Variants in ADAMTS12 observed in about 807,000 individuals in gnomAD.
The protein encoded by ADAMTS12 is ADAM metallopeptidase with thrombospondin type 1 motif 12, also known as A disintegrin and metalloproteinase with thrombospondin motifs 12.
A neutral mutation model predicts 167.8 loss-of-function variants in ADAMTS12; 118 were observed. That is an observed-to-expected ratio of 0.70 (90% CI 0.61 to 0.82). ADAMTS12 has a LOEUF of 0.82. Ranked by LOEUF, ADAMTS12 falls within the 40% of genes least tolerant of loss-of-function variation. ADAMTS12 has a pLI of 0.00. For missense variants in ADAMTS12, 1,916 were observed against 1,998.8 expected, an observed-to-expected ratio of 0.96 and a Z score of 0.79; for synonymous variants, 704 against 716.9, an observed-to-expected ratio of 0.98 and a Z score of 0.29.
chr5:33,581,741 A>C (rs952577905), intron 18 of ADAMTS12, among the ~76,000 whole-genome samples: 13 of 152,194 alleles, frequency 8.5e-5, no homozygotes, highest in Admixed American at 6.5e-4. Context: ...CAATGCCCCC[A>C]ATCTCAGAAT....
intron 5 of ADAMTS12, among the ~76,000 whole-genome samples, chr5:33,677,756 T>C (rs10057178): frequency 0.054 from 8,214 of 152,310 alleles, 572 homozygotes; most frequent in East Asian, 0.17. Flanking sequence ...GGTTTCTTAA[T>C]ATGTTTGACA....
chr5:33,740,367 A>G (rs1483148872), intron 3 of ADAMTS12, among the ~76,000 whole-genome samples: 3 of 152,170 alleles, frequency 2.0e-5, no homozygotes, highest in Admixed American at 1.3e-4. Flanking sequence ...CCAGCTACAT[A>G]ATTTGTAGAA....
At chr5:33,549,470 A>G in intron 20 of ADAMTS12, 87 bp from the exon 21 acceptor site, 1 of 1,485,164 alleles carries the variant, frequency 6.7e-7, no homozygotes, top group Non-Finnish European at 9.2e-7. Flanking sequence ...GGCGCCAGGC[A>G]TTCAGTCATA....
At chr5:33,823,040 A>G (rs1747918840) in intron 2 of ADAMTS12, among the ~76,000 whole-genome samples, 1 of 150,952 alleles carries the variant, frequency 6.6e-6, no homozygotes, top group African/African-American at 2.4e-5. Context: ...GCAGTGAGCT[A>G]TGATCACACC....
At chr5:33,719,386 G>T (rs1743728860) in intron 3 of ADAMTS12, among the ~76,000 whole-genome samples, 1 of 152,198 alleles carries the variant, frequency 6.6e-6, no homozygotes, top group Non-Finnish European at 1.5e-5. Context: ...ACTCTGGGTT[G>T]GGTGAAAAGT....
chr5:33,554,229 G>A (rs576439887), intron 20 of ADAMTS12, among the ~76,000 whole-genome samples: 19 of 152,326 alleles, frequency 1.2e-4, no homozygotes, highest in African/African-American at 4.1e-4. Context: ...TGAAGTGGAG[G>A]TAATGGCATG....
chr5:33,575,270 T>C (rs1279564150), intron 19 of ADAMTS12, among the ~76,000 whole-genome samples: 1 of 152,254 alleles, frequency 6.6e-6, no homozygotes, highest in Non-Finnish European at 1.5e-5. Flanking sequence ...TTCCGTTCCA[T>C]CTGTGATTAC....
intron 2 of ADAMTS12, among the ~76,000 whole-genome samples, chr5:33,808,705 A>G (rs1021035359): frequency 6.6e-6 from 1 of 152,240 alleles, no homozygotes; most frequent in Non-Finnish European, 1.5e-5. Context: ...GGGTACAGAT[A>G]TAAAATGTTT....
chr5:33,577,147 C>A lies in ADAMTS12; in HGVS notation c.2879G>T (p.Cys960Phe), dbSNP rs756032392. ...ACTGCGAATCCGCACTCCACCACCA[C>A]AGGAAACAGAACACTAGAAGAGAGA... ...VGNWSECSVSCGGGVRIRSVT... is the reference protein window; with the variant it reads ...VGNWSECSVSFGGGVRIRSVT... Residue 960 changes from cysteine (C) to phenylalanine (F), a missense_variant, in exon 19 of 24, where the codon TGT (cysteine) becomes TTT (phenylalanine). Coordinates refer to ENST00000504830, the MANE Select transcript of ADAMTS12 (RefSeq NM_030955.4). 1 of 1,614,174 alleles carries A rather than the reference C, an allele frequency of 6.2e-7. No homozygotes were observed. Among genetic ancestry groups the A allele is most frequent in the Non-Finnish European group, 8.5e-7 (1 of 1,180,020 alleles).
intron 5 of ADAMTS12, among the ~76,000 whole-genome samples, chr5:33,667,741 A>C (rs1741523837): frequency 6.6e-6 from 1 of 152,144 alleles, no homozygotes; most frequent in Admixed American, 6.6e-5. Context: ...GATAACTAAG[A>C]ATCTCCTCAG....
At chr5:33,652,005 CTA>C (rs1022989170) in intron 7 of ADAMTS12, among the ~76,000 whole-genome samples, 32 of 152,220 alleles carry the variant, frequency 2.1e-4, no homozygotes, top group African/African-American at 7.5e-4. Context: ...ATTCCGTGGT[CTA>C]TATATACCAC....
At chr5:33,862,153 G>A (rs1006879328) in intron 2 of ADAMTS12, among the ~76,000 whole-genome samples, 1 of 152,046 alleles carries the variant, frequency 6.6e-6, no homozygotes, top group Non-Finnish European at 1.5e-5. Flanking sequence ...TCAAAACCTA[G>A]CAAAAGACAG....
chr5:33,779,499 T>C (rs895132239), intron 2 of ADAMTS12, among the ~76,000 whole-genome samples: 1 of 152,124 alleles, frequency 6.6e-6, no homozygotes, highest in African/African-American at 2.4e-5. Context: ...AATTGCTGTC[T>C]TGAAGAGATG....
At chr5:33,771,030 T>G (rs1401695304) in intron 2 of ADAMTS12, among the ~76,000 whole-genome samples, 1 of 152,120 alleles carries the variant, frequency 6.6e-6, no homozygotes, top group Non-Finnish European at 1.5e-5. Flanking sequence ...GACTTCATAT[T>G]ATAGACAGGC....
rs372328251 is a variant in ADAMTS12 at position 33,649,605 on chromosome 5, G to A, written c.1283C>T (p.Thr428Ile). Residue 428 changes from threonine (T) to isoleucine (I), a missense_variant, in exon 8 of 24, where the codon ACT becomes ATT. Transcript: ENST00000504830. ...IMSRQLQYDP[T>I]PLTWSKCSEE... ...GCTGCACTTGGACCATGTCAGCGGA[G>A]TGGGATCGTACTGGAGCTGGCGGGA... The A allele has an allele frequency of 1.6e-5, 26 of 1,613,972 alleles. No individual in the cohort carries two copies. Among genetic ancestry groups the A allele is most frequent in the African/African-American group, 4.0e-5 (3 of 74,938 alleles).
intron 16 of ADAMTS12, among the ~76,000 whole-genome samples, chr5:33,597,965 C>T (rs1333932319): frequency 2.6e-5 from 4 of 152,072 alleles, no homozygotes; most frequent in Non-Finnish European, 5.9e-5. Context: ...TATCTGTGCA[C>T]GAATAGCAAA....
intron 5 of ADAMTS12, among the ~76,000 whole-genome samples, chr5:33,666,041 T>C (rs1051133213): frequency 2.0e-5 from 3 of 152,252 alleles, no homozygotes; most frequent in African/African-American, 7.2e-5. Context: ...AAAGGGTATT[T>C]AAACTCCCCA....
intron 3 of ADAMTS12, among the ~76,000 whole-genome samples, chr5:33,696,445 T>G (rs6860713): frequency 0.77 from 114,522 of 149,374 alleles, 44,171 homozygotes; most frequent in South Asian, 0.86. Context: ...AAATTATAAT[T>G]AGCCAGAAAT....
At chr5:33,716,771 G>A (rs1743631695) in intron 3 of ADAMTS12, among the ~76,000 whole-genome samples, 1 of 152,226 alleles carries the variant, frequency 6.6e-6, no homozygotes, top group East Asian at 1.9e-4. Context: ...TCATGATAAA[G>A]ATCATTTTCT....
Sources: allele counts gnomAD v4.1 joint callset (sites outside exome capture counted in the v4.1 genomes callset), GRCh38; gene constraint gnomAD v4.1.1; transcripts MANE v1.5; gene names NCBI Gene and HGNC (gene_info 2026-07-23, HGNC 2026-07-21).